The following MRPS5 variants were observed in gnomAD, a reference collection of about 807,000 sequenced individuals.
The protein encoded by MRPS5 is small ribosomal subunit protein uS5m.
In MRPS5, 27 loss-of-function variants were observed where a neutral mutation model predicts 51.9. The ratio of observed to expected loss-of-function variants is 0.52; its 90% CI spans 0.38 to 0.72. The LOEUF is 0.72. Ranked by LOEUF, MRPS5 falls within the 30% of genes least tolerant of loss-of-function variation. The pLI is 0.00. For missense variants in MRPS5, 570 were observed against 545.7 expected (o/e 1.04, Z -0.44); for synonymous variants, 196 against 193.2 (o/e 1.01, Z -0.12).
At chr2:95,111,809 T>A (rs953597012) in intron 3 of MRPS5, among the ~76,000 whole-genome samples, 15 of 152,316 alleles carry the variant, frequency 9.8e-5, no homozygotes, top group African/African-American at 2.6e-4. Context: ...CTGTTTTTTT[T>A]AAATTTAATA....
chr2:95,085,803 T>A lies in MRPS5; in HGVS notation c.*1554A>T, dbSNP rs1433199147. Among the ~76,000 whole-genome samples, 1 of 152,122 alleles carries A rather than the reference T, an allele frequency of 6.6e-6. No individual in the cohort carries two copies. The highest frequency in any genetic ancestry group is 1.5e-5 in the Non-Finnish European group (1 of 68,040). ...TTCATAACAGTGAAGATGACCAGGATACAGCCAAAGTCACTCATCATAACA... is the reference window on the plus strand; with the variant it reads ...TTCATAACAGTGAAGATGACCAGGAAACAGCCAAAGTCACTCATCATAACA... On this transcript the variant is annotated 3_prime_UTR_variant, in exon 12 of 12. Transcript: ENST00000272418.
chr2:95,120,042 G>A (rs550148949), intron 1 of MRPS5, among the ~76,000 whole-genome samples: 18 of 152,328 alleles, frequency 1.2e-4, no homozygotes, highest in African/African-American at 4.3e-4. Flanking sequence ...CAGCCAGGGC[G>A]ACAGAAGGGG....
At chr2:95,104,344 C>A in intron 7 of MRPS5, 1 of 386,904 alleles carries the variant, frequency 2.6e-6, no homozygotes, top group South Asian at 2.4e-5. Flanking sequence ...CCCTATTGAA[C>A]ATTTAGTTTT....
chr2:95,099,503 C>G (rs1385447610), intron 10 of MRPS5, among the ~76,000 whole-genome samples: 2 of 151,892 alleles, frequency 1.3e-5, no homozygotes, highest in Non-Finnish European at 2.9e-5. Flanking sequence ...TTTTTTTGTA[C>G]TAGGTCTTTG....
chr2:95,087,141 T>C lies in MRPS5; in HGVS notation c.*216A>G. On this transcript the variant is annotated 3_prime_UTR_variant, in exon 12 of 12. Transcript: ENST00000272418. Reference sequence around the variant, plus strand: ...TGTTACTTTGGATGAATATTTAAAGTAGTCTTGAACTGAGATATGTATGTA... The same window carrying C: ...TGTTACTTTGGATGAATATTTAAAGCAGTCTTGAACTGAGATATGTATGTA... 2.2e-6 allele frequency: 1 copy of C among 464,372 alleles called. No individual in the cohort carries two copies. The highest frequency in any genetic ancestry group is 3.3e-5 in the East Asian group (1 of 30,190). The allele number at this position is 464,372 out of a possible 1,614,324, so 28.8% of individuals were successfully genotyped here.
In MRPS5 at chr2:95,121,766, C is replaced by T; in HGVS notation, c.26G>A (p.Gly9Asp). 2 of 1,553,648 alleles carry T rather than the reference C, an allele frequency of 1.3e-6. No homozygotes were observed. The highest frequency in any genetic ancestry group is 1.7e-6 in the Non-Finnish European group (2 of 1,159,144). Residue 9 changes from glycine to aspartate, a missense_variant, in exon 1 of 12, where the codon GGC (glycine) becomes GAC (aspartate). Coordinates refer to ENST00000272418, the MANE Select transcript of MRPS5 (RefSeq NM_031902.5). MATAVRAV[G>D]CLPVLCSGTA... ...CCCGCTACACAGCACGGGGAGGCAG[C>T]CCACAGCGCGCACCGCGGTCGCCAT...
rs1318629510 is a variant in MRPS5 at position 95,100,473 on chromosome 2, C to G, written c.931+1G>C. 1 of 1,594,404 alleles carries G rather than the reference C, an allele frequency of 6.3e-7. No homozygotes were observed. Among genetic ancestry groups the G allele is most frequent in the Non-Finnish European group, 8.6e-7 (1 of 1,162,644 alleles). On this transcript the variant is annotated splice_donor_variant, in intron 10 of 11. Coordinates refer to ENST00000272418, the MANE Select transcript of MRPS5 (RefSeq NM_031902.5). LOFTEE classifies it high-confidence loss of function. ...ACAAATGGTAAGAGTTTTAAAGTTA[C>G]CTTTGGGTTGTTTCTTCATCTTGAT... is the stretch of plus-strand genomic sequence containing the variant.
intron 10 of MRPS5, chr2:95,091,809 A>G (rs1675474867): frequency 6.6e-6 from 1 of 152,226 alleles, no homozygotes; most frequent in Admixed American, 6.5e-5. Context: ...GACAGGTCAC[A>G]ATGGGGTCCT....
At chr2:95,098,063 G>C (rs1675679605) in intron 10 of MRPS5, among the ~76,000 whole-genome samples, 1 of 152,178 alleles carries the variant, frequency 6.6e-6, no homozygotes, top group Non-Finnish European at 1.5e-5. Context: ...CTTTTCAAAA[G>C]AAGACATTTA....
At chr2:95,095,170 A>G (rs1359425836) in intron 10 of MRPS5, among the ~76,000 whole-genome samples, 2 of 152,242 alleles carry the variant, frequency 1.3e-5, no homozygotes, top group Non-Finnish European at 2.9e-5. Flanking sequence ...ATTCAACAAG[A>G]GCTAATTATC....
intron 1 of MRPS5, among the ~76,000 whole-genome samples, chr2:95,120,081 C>G (rs188153254): frequency 4.9e-4 from 75 of 152,292 alleles, no homozygotes; most frequent in Non-Finnish European, 9.4e-4. Flanking sequence ...AACACAGTTT[C>G]CATATGACCT....
chr2:95,106,783 C>G (rs1222734393), intron 5 of MRPS5: 1 of 387,944 alleles, frequency 2.6e-6, no homozygotes, highest in Non-Finnish European at 4.8e-6. Context: ...GGCCAAGACA[C>G]CACAGTCCAT....
At chr2:95,117,533 T>G (rs1046132058) in intron 2 of MRPS5, among the ~76,000 whole-genome samples, 1 of 148,666 alleles carries the variant, frequency 6.7e-6, no homozygotes, top group African/African-American at 2.5e-5. Flanking sequence ...TCAATTAACA[T>G]AACAATTGAT....
chr2:95,106,513 G>T, intron 5 of MRPS5, 56 bp from the exon 6 acceptor site: 2 of 1,455,876 alleles, frequency 1.4e-6, no homozygotes, highest in South Asian at 1.1e-5. Context: ...CAATTAACAT[G>T]AAAGCATTTT....
At chr2:95,100,575 G>A in intron 9 of MRPS5, 39 bp from the exon 10 acceptor site, 1 of 1,482,062 alleles carries the variant, frequency 6.7e-7, no homozygotes, top group Non-Finnish European at 9.4e-7. Context: ...GATTAGGTGT[G>A]TGGCTTTAAT....
At chr2:95,093,446 C>T (rs1675529113) in intron 10 of MRPS5, 2 of 152,282 alleles carry the variant, frequency 1.3e-5, no homozygotes, top group African/African-American at 2.4e-5. Flanking sequence ...CTGGGAGACA[C>T]CTCCCACTAG....
At chr2:95,088,365 T>C (rs544447535) in intron 11 of MRPS5, among the ~76,000 whole-genome samples, 15 of 152,324 alleles carry the variant, frequency 9.8e-5, no homozygotes, top group African/African-American at 3.6e-4. Context: ...AGACTGGTCA[T>C]GAGCTGGGTA....
chr2:95,099,078 C>T (rs1675718203), intron 10 of MRPS5, among the ~76,000 whole-genome samples: 1 of 151,472 alleles, frequency 6.6e-6, no homozygotes, highest in Non-Finnish European at 1.5e-5. Flanking sequence ...GCCACTGCGC[C>T]CAGCTAATTT....
intron 6 of MRPS5, 53 bp downstream of exon 6, chr2:95,106,370 C>T: frequency 9.2e-7 from 1 of 1,081,724 alleles, no homozygotes; most frequent in Non-Finnish European, 1.4e-6. Context: ...CCCTGCCCCA[C>T]CCACCCCAAC....
Sources: allele counts gnomAD v4.1 joint callset (sites outside exome capture counted in the v4.1 genomes callset), GRCh38; gene constraint gnomAD v4.1.1; transcripts MANE v1.5; gene names NCBI Gene and HGNC (gene_info 2026-07-23, HGNC 2026-07-21).